Variants in ABCC6 observed in about 807,000 individuals in gnomAD.
The protein encoded by ABCC6 is ATP binding cassette subfamily C member 6, also known as ATP-binding cassette sub-family C member 6.
Under a neutral mutation model 169.5 loss-of-function variants are expected in ABCC6, and 126 were observed. That is an observed-to-expected ratio of 0.74 (90% CI 0.64 to 0.86). The LOEUF (loss-of-function observed/expected upper bound fraction) is 0.86, where lower values mean the gene tolerates loss of function less well. Ranked by LOEUF, ABCC6 falls within the 40% of genes least tolerant of loss-of-function variation. The pLI, the probability that ABCC6 is intolerant of heterozygous loss-of-function variation, is 0.00. For synonymous variants in ABCC6, 752 were observed against 814.7 expected (o/e 0.92, Z 1.31); for missense variants, 1,733 against 1,927.2 (o/e 0.90, Z 1.89).
At position 16,161,468 on chromosome 16, in the gene ABCC6, G is replaced by A. The variant is rs756077096; in HGVS notation, c.3603C>T (p.Leu1201=). The A allele has an allele frequency of 2.1e-5, 34 of 1,613,840 alleles. No homozygotes were observed. In the East Asian group the frequency reaches 4.9e-4, roughly 23 times the overall value. ...VLSKAHLSAG[L]VGFSVSAALQ... ...GGGCAGCAGAGACAGAGAAGCCCAC[G>A]AGGCCAGCACTGAGGTGGGCTTTGC... The change falls in exon 25 of 31, where the codon CTC becomes CTT. Residue 1201 remains leucine (L), a synonymous_variant. Transcript: ENST00000205557.
At chr16:16,210,029 C>G (rs1204492851) in intron 6 of ABCC6, among the ~76,000 whole-genome samples, 1 of 152,146 alleles carries the variant, frequency 6.6e-6, no homozygotes, top group Non-Finnish European at 1.5e-5. Context: ...CTGTGCCTGG[C>G]CTCAGGTCTC....
intron 10 of ABCC6, among the ~76,000 whole-genome samples, chr16:16,195,732 A>C (rs2048017258): frequency 1.3e-5 from 2 of 152,132 alleles, no homozygotes; most frequent in Admixed American, 1.3e-4. Flanking sequence ...ACTGCACATG[A>C]AGCCCTGTCT....
At chr16:16,193,010 G>A (rs902707474) in intron 10 of ABCC6, 88 bp from the exon 11 acceptor site, 8 of 1,124,916 alleles carry the variant, frequency 7.1e-6, no homozygotes, top group Non-Finnish European at 1.1e-5. Flanking sequence ...ATCTTGAATA[G>A]GGACTGGGTA....
chr16:16,183,448 G>C (rs1424644178), intron 15 of ABCC6, among the ~76,000 whole-genome samples: 1 of 152,098 alleles, frequency 6.6e-6, no homozygotes, highest in Non-Finnish European at 1.5e-5. Context: ...CCAGTGACCA[G>C]AGGGATCTGT....
intron 29 of ABCC6, among the ~76,000 whole-genome samples, chr16:16,151,064 CGTTT>C (rs2046373644): frequency 6.6e-6 from 1 of 151,732 alleles, no homozygotes; most frequent in Admixed American, 6.6e-5. Flanking sequence ...TTTTCTTCTT[CGTTT>C]TTCTTTTTTT....
chr16:16,170,658 C>T (rs971473699), intron 21 of ABCC6, among the ~76,000 whole-genome samples: 1 of 152,036 alleles, frequency 6.6e-6, no homozygotes, highest in African/African-American at 2.4e-5. Flanking sequence ...AGGGGTGGCT[C>T]ATACCTGTAA....
At chr16:16,197,705 G>C (rs1240479287) in intron 10 of ABCC6, among the ~76,000 whole-genome samples, 1 of 141,628 alleles carries the variant, frequency 7.1e-6, no homozygotes, top group Non-Finnish European at 1.5e-5. Flanking sequence ...GGTGCAGGGA[G>C]GGGTGCAAGA....
At chr16:16,212,978 C>T (rs899441841) in intron 5 of ABCC6, among the ~76,000 whole-genome samples, 5 of 152,010 alleles carry the variant, frequency 3.3e-5, no homozygotes, top group Admixed American at 6.6e-5. Context: ...CATTTCACCA[C>T]GTTTTTGCCA....
At chr16:16,190,493 C>A (rs551114367) in intron 11 of ABCC6, 126 bp from the exon 12 acceptor site, 2 of 991,474 alleles carry the variant, frequency 2.0e-6, no homozygotes, top group Admixed American at 2.0e-5. Context: ...CTGTCTGCCT[C>A]TCAGCACCTC....
chr16:16,151,670 C>T (rs2046389829), intron 29 of ABCC6, among the ~76,000 whole-genome samples: 1 of 152,192 alleles, frequency 6.6e-6, no homozygotes, highest in African/African-American at 2.4e-5. Flanking sequence ...GTGCCAAACA[C>T]ATTCTAAGTG....
At chr16:16,154,081 C>A (rs1316623422) in intron 29 of ABCC6, among the ~76,000 whole-genome samples, 1 of 151,912 alleles carries the variant, frequency 6.6e-6, no homozygotes, top group African/African-American at 2.4e-5. Flanking sequence ...TCCCAAGTAA[C>A]TAGGACTACA....
rs567513065 is a variant in ABCC6 at position 16,208,229 on chromosome 16, A to G, written c.794+499T>C. ...GAACCTGTGATGCGTTCTGGGAGGA[A>G]CCATATCTTAAGCCTGATACTACTT... On this transcript the variant is annotated intron_variant, in intron 7 of 30. Coordinates refer to ENST00000205557, the MANE Select transcript of ABCC6 (RefSeq NM_001171.6). 2.3e-4 allele frequency among the ~76,000 whole-genome samples: 35 copies of G among 152,214 alleles called. No homozygotes were observed. In the South Asian group the frequency reaches 7.3e-3, roughly 32 times the overall value.
chr16:16,178,386 G>A lies in ABCC6; in HGVS notation c.2415+412C>T, dbSNP rs997704700. Among the ~76,000 whole-genome samples, 9 of 152,158 alleles carry A rather than the reference G, an allele frequency of 5.9e-5. No homozygotes were observed. In the South Asian group the frequency reaches 1.0e-3, roughly 18 times the overall value. Reference sequence around the variant, plus strand: ...GTGCTTGGCCAGCCTCCTGAGCTGGGGGTTGGGGTGGGGGTATTGTCCCTG... The same window carrying A: ...GTGCTTGGCCAGCCTCCTGAGCTGGAGGTTGGGGTGGGGGTATTGTCCCTG... On this transcript the variant is annotated intron_variant, in intron 18 of 30. Coordinates refer to ENST00000205557, the MANE Select transcript of ABCC6 (RefSeq NM_001171.6).
At chr16:16,157,841 G>T (rs1339854588) in intron 26 of ABCC6, 32 bp from the exon 27 acceptor site, 1 of 1,600,062 alleles carries the variant, frequency 6.2e-7, no homozygotes, top group Admixed American at 1.7e-5. Context: ...AGTCAGAGGA[G>T]CCTTCCTCTA....
chr16:16,192,944 T>C, intron 10 of ABCC6, 22 bp from the exon 11 acceptor site: 1 of 1,604,872 alleles, frequency 6.2e-7, no homozygotes, highest in Non-Finnish European at 8.5e-7. Context: ...AGGGGCAGGA[T>C]GTCAGGAGAT....
At chr16:16,218,036 C>T (rs189049582) in intron 4 of ABCC6, among the ~76,000 whole-genome samples, 18 of 152,296 alleles carry the variant, frequency 1.2e-4, no homozygotes, top group African/African-American at 4.3e-4. Flanking sequence ...TTGTAGTGAG[C>T]CAAGATCGTG....
At chr16:16,168,196 T>A (rs1170672541) in intron 22 of ABCC6, among the ~76,000 whole-genome samples, 1 of 6,634 alleles carries the variant, frequency 1.5e-4, no homozygotes, top group Non-Finnish European at 1.4e-3. Context: ...AACTGTCCTT[T>A]AAAGATGAAG....
chr16:16,172,473 AGTGGGTGGGATGGATAAATGG>A (rs1281494194), intron 21 of ABCC6, among the ~76,000 whole-genome samples: 3 of 79,402 alleles, frequency 3.8e-5, no homozygotes, highest in African/African-American at 1.5e-4. Flanking sequence ...TGGATAAATG[AGTGGGTGGGATGGATAAATGG>A]GTGGGTGGGA....
At position 16,161,463 on chromosome 16, in the gene ABCC6, C is replaced by A. The variant is rs63750607; in HGVS notation, c.3608G>T (p.Gly1203Val). Residue 1203 changes from glycine to valine, a missense_variant, in exon 25 of 31, where the codon GGC becomes GTC. This residue lies in a region of ABCC6 where 1,601 missense variants were observed against 1,635.5 expected (regional missense o/e 0.98). Coordinates refer to ENST00000205557, the MANE Select transcript of ABCC6 (RefSeq NM_001171.6). ...SKAHLSAGLV[G>V]FSVSAALQVT... Reference sequence around the variant, plus strand: ...CTGGAGGGCAGCAGAGACAGAGAAGCCCACGAGGCCAGCACTGAGGTGGGC... The same window carrying A: ...CTGGAGGGCAGCAGAGACAGAGAAGACCACGAGGCCAGCACTGAGGTGGGC... The A allele has an allele frequency of 4.3e-6, 7 of 1,613,814 alleles. No individual in the cohort carries two copies. Among genetic ancestry groups the A allele is most frequent in the Non-Finnish European group, 5.1e-6 (6 of 1,180,026 alleles).
Sources: allele counts gnomAD v4.1 joint callset (sites outside exome capture counted in the v4.1 genomes callset), GRCh38; gene constraint gnomAD v4.1.1; regional missense constraint gnomAD v4.1.1; transcripts MANE v1.5; gene names NCBI Gene and HGNC (gene_info 2026-07-23, HGNC 2026-07-21).